COL28A1: variants seen among roughly 807,000 people sequenced by gnomAD.
COL28A1 encodes the protein collagen type XXVIII alpha 1 chain, also known as collagen alpha-1(XXVIII) chain.
In COL28A1, 161 loss-of-function variants were observed where a neutral mutation model predicts 150.2. The ratio of observed to expected loss-of-function variants is 1.07; its 90% CI spans 0.94 to 1.22. COL28A1 has a LOEUF of 1.22. Among genes scored for constraint, COL28A1 ranks in the 50% most tolerant of loss-of-function variants. The pLI is 0.00. For missense variants in COL28A1, 1,617 were observed against 1,388.3 expected, an observed-to-expected ratio of 1.16 and a Z score of -2.62; for synonymous variants, 552 against 469.7, an observed-to-expected ratio of 1.18 and a Z score of -2.26.
chr7:7,492,512 G>C (rs557026950), intron 11 of COL28A1, among the ~76,000 whole-genome samples: 2 of 151,194 alleles, frequency 1.3e-5, no homozygotes, highest in Admixed American at 1.3e-4. Flanking sequence ...TTGAACCTGG[G>C]AGGTAGAGGT....
At chr7:7,531,959 T>A (rs1782390880) in intron 2 of COL28A1, 55 bp from the exon 3 acceptor site, 1 of 1,103,930 alleles carries the variant, frequency 9.1e-7, no homozygotes, top group African/African-American at 1.6e-5. Flanking sequence ...TGAAACAAAT[T>A]TGCATACGGA....
downstream of COL28A1, among the ~76,000 whole-genome samples, chr7:7,354,194 A>G (rs1413821381): frequency 1.3e-5 from 2 of 152,088 alleles, no homozygotes; most frequent in Non-Finnish European, 1.5e-5. Context: ...GAGTTTTCCC[A>G]TGTTGCCCAG....
At chr7:7,496,112 G>C (rs1298977750) in intron 11 of COL28A1, among the ~76,000 whole-genome samples, 1 of 152,130 alleles carries the variant, frequency 6.6e-6, no homozygotes, top group Non-Finnish European at 1.5e-5. Context: ...GCTTCAAGAA[G>C]GGTTTTTCTG....
intron 11 of COL28A1, 148 bp downstream of exon 11, chr7:7,505,866 A>C (rs1780779993): frequency 1.6e-6 from 1 of 609,508 alleles, no homozygotes; most frequent in South Asian, 2.1e-5. Flanking sequence ...ATTAGGACTT[A>C]ATTCTCTGTA....
chr7:7,348,226 C>T, the COL28A1 span, among the ~76,000 whole-genome samples: 2 of 151,982 alleles, frequency 1.3e-5, no homozygotes, highest in Non-Finnish European at 2.9e-5. Context: ...TTCAGAAGGA[C>T]TTGCAAGTAT....
chr7:7,386,885 G>T (rs190386482), intron 27 of COL28A1, among the ~76,000 whole-genome samples: 1 of 152,166 alleles, frequency 6.6e-6, no homozygotes, highest in African/African-American at 2.4e-5. Context: ...AGTTCTGGAG[G>T]CTAGAAAGCC....
chr7:7,494,479 T>C (rs975108065), intron 11 of COL28A1, among the ~76,000 whole-genome samples: 2 of 152,228 alleles, frequency 1.3e-5, no homozygotes, highest in Non-Finnish European at 2.9e-5. Context: ...AAAATGAGGA[T>C]AATTATATCT....
At chr7:7,438,168 C>T (rs1452278754) in intron 21 of COL28A1, among the ~76,000 whole-genome samples, 1 of 152,094 alleles carries the variant, frequency 6.6e-6, no homozygotes, top group Admixed American at 6.5e-5. Context: ...AGGAGAATCA[C>T]TCAAACCCTG....
chr7:7,437,549 G>T, intron 21 of COL28A1, 87 bp from the exon 22 acceptor site: 1 of 1,484,844 alleles, frequency 6.7e-7, no homozygotes, highest in Non-Finnish European at 9.0e-7. Context: ...AATGTCTGCA[G>T]ATTTTTAAAT....
At chr7:7,495,841 T>A (rs556663100) in intron 11 of COL28A1, among the ~76,000 whole-genome samples, 4 of 152,322 alleles carry the variant, frequency 2.6e-5, no homozygotes, top group African/African-American at 9.6e-5. Context: ...TTTTTTAATT[T>A]TAATTTTAAT....
At position 7,424,372 on chromosome 7, in the gene COL28A1, T is replaced by C. The variant is rs565917665; in HGVS notation, c.1999-4419A>G. 5.9e-5 allele frequency among the ~76,000 whole-genome samples: 9 copies of C among 152,284 alleles called. No individual in the cohort carries two copies. The South Asian group carries it at 1.7e-3, about 28-fold the overall frequency. On this transcript the variant is annotated intron_variant, in intron 25 of 34. Coordinates refer to ENST00000399429, the MANE Select transcript of COL28A1 (RefSeq NM_001037763.3). The stretch of plus-strand genomic sequence containing the variant: ...CACCTGGTAAATGTGAGCAAGAGAA[T>C]TGCGGACAGGTCTTGCTTGGCCATT...
the COL28A1 span, among the ~76,000 whole-genome samples, chr7:7,338,871 G>A: frequency 6.6e-6 from 1 of 152,046 alleles, no homozygotes; most frequent in East Asian, 1.9e-4. Context: ...TTCATGATGA[G>A]GCCTCAAGAG....
At chr7:7,387,015 C>T (rs1363216816) in intron 27 of COL28A1, among the ~76,000 whole-genome samples, 1 of 152,138 alleles carries the variant, frequency 6.6e-6, no homozygotes, top group Non-Finnish European at 1.5e-5. Flanking sequence ...CTGGGGCCTC[C>T]TTTATAAGGG....
intron 8 of COL28A1, among the ~76,000 whole-genome samples, chr7:7,515,566 ATTAAAATAATTCAT>A (rs1398135620): frequency 6.6e-6 from 1 of 152,182 alleles, no homozygotes; most frequent in African/African-American, 2.4e-5. Flanking sequence ...GGGGTTCTCT[ATTAAAATAATTCAT>A]GTTTGCAAAG....
chr7:7,414,229 T>C (rs1189280910), intron 27 of COL28A1, among the ~76,000 whole-genome samples: 1 of 152,204 alleles, frequency 6.6e-6, no homozygotes, highest in Admixed American at 6.5e-5. Context: ...TCTGACTTAA[T>C]CTGTGGGACT....
chr7:7,489,480 T>C, intron 12 of COL28A1, 23 bp from the exon 13 acceptor site: 1 of 1,013,574 alleles, frequency 9.9e-7, no homozygotes, highest in African/African-American at 1.6e-5. Context: ...AATAATAGAA[T>C]GAAAGCTTGA....
At chr7:7,517,761 A>C (rs748728708) in intron 7 of COL28A1, 35 bp downstream of exon 7, 2 of 1,612,730 alleles carry the variant, frequency 1.2e-6, no homozygotes, top group African/African-American at 1.3e-5. Flanking sequence ...ACCTAGGATC[A>C]CTTTCTTAGG....
At position 7,383,682 on chromosome 7, in the gene COL28A1, G is replaced by GTGTGTATATA. The variant is rs1554262302; in HGVS notation, c.2137-2071_2137-2070insTATATACACA. ...ATTTGAAATTTGTGTGTGTGTGTGT[G>GTGTGTATATA]TATATATATATATATATATATGTAT... is the stretch of plus-strand genomic sequence containing the variant. On this transcript the variant is annotated intron_variant, in intron 27 of 34. Transcript: ENST00000399429. Among the ~76,000 whole-genome samples the GTGTGTATATA allele has an allele frequency of 4.8e-5, 6 of 124,096 alleles. No homozygotes were observed. The South Asian group carries it at 8.0e-4, about 17-fold the overall frequency. The allele number at this position is 124,096 out of a possible 152,430, so 81.4% of individuals were successfully genotyped here. A position where few individuals can be genotyped will look rare whatever the true frequency, so the allele number is the denominator to read the frequency against.
chr7:7,531,604 C>T lies in COL28A1; in HGVS notation c.425G>A (p.Arg142Lys). The change falls in exon 3 of 35, where the codon AGG (arginine) becomes AAG (lysine). Residue 142 changes from arginine (R) to lysine (K), a missense_variant. Arg to Lys is a conservative substitution (Grantham distance 26). Transcript: ENST00000399429. ...FSYYAISNAT[R>K]LLKREGRKDG... ...CTTACGCCCTTCTCTCTTAAGTAGC[C>T]TAGTGGCATTGGAAATGGCATAATA... 1 of 1,606,144 alleles carries T rather than the reference C, an allele frequency of 6.2e-7. No individual in the cohort carries two copies. The highest frequency in any genetic ancestry group is 8.5e-7 in the Non-Finnish European group (1 of 1,172,656).
Sources: gnomAD v4.1 joint callset for allele counts (sites outside exome capture counted in the v4.1 genomes callset) on GRCh38, gnomAD v4.1.1 for gene constraint, MANE v1.5 for transcripts, NCBI Gene and HGNC (gene_info 2026-07-23, HGNC 2026-07-21) for gene names.